CDC42BPA: variants seen among roughly 807,000 people sequenced by gnomAD.
CDC42BPA encodes the protein CDC42 binding protein kinase alpha.
A neutral mutation model predicts 223.5 loss-of-function variants in CDC42BPA; 80 were observed. That is an observed-to-expected ratio of 0.36 (90% CI 0.30 to 0.43). The LOEUF (loss-of-function observed/expected upper bound fraction) is 0.43. Ranked by LOEUF, CDC42BPA falls within the 20% of genes least tolerant of loss-of-function variation. The pLI is 1.00. For missense variants in CDC42BPA, 1,743 were observed against 2,099.9 expected (o/e 0.83, Z 3.32); for synonymous variants, 694 against 718.6 (o/e 0.97, Z 0.55).
chr1:227,072,434 G>T (rs1293113903), intron 19 of CDC42BPA, 135 bp from the exon 20 acceptor site: 1 of 585,086 alleles, frequency 1.7e-6, no homozygotes, highest in Non-Finnish European at 3.0e-6. Flanking sequence ...ACTGCGGGAA[G>T]AACAAATACA....
At chr1:227,259,119 G>T (rs566955431) in intron 1 of CDC42BPA, among the ~76,000 whole-genome samples, 1 of 151,048 alleles carries the variant, frequency 6.6e-6, no homozygotes, top group South Asian at 2.1e-4. Flanking sequence ...ACTTTCTGAG[G>T]TATCTGCCAC....
At chr1:227,297,940 A>C (rs374547040) in intron 1 of CDC42BPA, among the ~76,000 whole-genome samples, 1 of 87,318 alleles carries the variant, frequency 1.1e-5, no homozygotes, top group South Asian at 4.2e-4. Flanking sequence ...ATTTTGTTTT[A>C]TGTGTGTGTG....
chr1:227,245,284 CTTTTTTTT>C (rs759666049), intron 2 of CDC42BPA, among the ~76,000 whole-genome samples: 1 of 81,786 alleles, frequency 1.2e-5, no homozygotes, highest in Non-Finnish European at 2.3e-5. Flanking sequence ...TGTCTTGCAT[CTTTTTTTT>C]TTTTTTTTTT....
intron 2 of CDC42BPA, among the ~76,000 whole-genome samples, chr1:227,242,110 G>C (rs1680127414): frequency 6.6e-6 from 1 of 151,980 alleles, no homozygotes; most frequent in African/African-American, 2.4e-5. Flanking sequence ...AATTTCTATA[G>C]TACTGTAATA....
chr1:227,230,848 G>T (rs1478189696), intron 2 of CDC42BPA, among the ~76,000 whole-genome samples: 1 of 92,832 alleles, frequency 1.1e-5, no homozygotes, highest in Non-Finnish European at 2.2e-5. Context: ...TTGAGACAGA[G>T]TCTTGCTCTG....
At chr1:227,096,238 A>C (rs1246308005) in intron 15 of CDC42BPA, among the ~76,000 whole-genome samples, 1 of 152,234 alleles carries the variant, frequency 6.6e-6, no homozygotes, top group Non-Finnish European at 1.5e-5. Context: ...CCTAACACAG[A>C]AGCAACTTCA....
At chr1:227,187,686 C>A (rs1352916384) in intron 5 of CDC42BPA, among the ~76,000 whole-genome samples, 10 of 81,948 alleles carry the variant, frequency 1.2e-4, no homozygotes, top group African/African-American at 1.9e-4. Flanking sequence ...CCCACCCCCC[C>A]CCCAAAAAAA....
At position 227,195,076 on chromosome 1, in the gene CDC42BPA, T is replaced by C. The variant is rs753524337; in HGVS notation, c.451-1142A>G. On this transcript the variant is annotated intron_variant, in intron 4 of 36. Coordinates refer to ENST00000366766, the MANE Select transcript of CDC42BPA (RefSeq NM_001394014.1). The stretch of plus-strand genomic sequence containing the variant: ...GTTAAAATTACAAACATAGGAAATG[T>C]GTGTTAAACCAAAGAAACTAATTTC... 1.9e-4 allele frequency among the ~76,000 whole-genome samples: 29 copies of C among 152,220 alleles called. 1 individual carries two copies. The highest frequency in any genetic ancestry group is 1.3e-4 in the Non-Finnish European group (9 of 68,020).
intron 23 of CDC42BPA, among the ~76,000 whole-genome samples, chr1:227,040,689 C>A (rs1235588461): frequency 6.6e-6 from 1 of 152,078 alleles, no homozygotes; most frequent in African/African-American, 2.4e-5. Flanking sequence ...TCATGCATTT[C>A]TCTTTCTGGG....
At chr1:227,074,186 GATTT>G in intron 18 of CDC42BPA, 69 bp downstream of exon 18, 2 of 1,353,200 alleles carry the variant, frequency 1.5e-6, no homozygotes, top group African/African-American at 1.5e-5. Flanking sequence ...TAAGTAATTG[GATTT>G]ATTATAGTGT....
rs918975580 is a variant in CDC42BPA, at chr1:227,188,972, G to C, written c.599+4814C>G. On this transcript the variant is annotated intron_variant, in intron 5 of 36. Coordinates refer to ENST00000366766, the MANE Select transcript of CDC42BPA (RefSeq NM_001394014.1). The stretch of plus-strand genomic sequence containing the variant: ...GTGGTGGGCGGGAGTAGATATAAGG[G>C]GAACTCTATACTTTCCACTCAATTT... Among the ~76,000 whole-genome samples the C allele has an allele frequency of 2.6e-5, 4 of 151,874 alleles. No individual in the cohort carries two copies. In the South Asian group the frequency reaches 8.3e-4, roughly 32 times the overall value.
At chr1:227,011,056 A>G in intron 34 of CDC42BPA, 1 of 1,332,586 alleles carries the variant, frequency 7.5e-7, no homozygotes, top group Non-Finnish European at 9.9e-7. Context: ...TGGATAAGGG[A>G]AACCTGGCTA....
intron 5 of CDC42BPA, among the ~76,000 whole-genome samples, chr1:227,170,720 A>C (rs1481371615): frequency 6.6e-6 from 1 of 152,220 alleles, no homozygotes; most frequent in Non-Finnish European, 1.5e-5. Context: ...CTAAACTAGC[A>C]ACAATTCAGG....
chr1:227,004,790 C>T (rs1663648447), intron 35 of CDC42BPA: 2 of 674,110 alleles, frequency 3.0e-6, no homozygotes, highest in Admixed American at 4.3e-5. Flanking sequence ...ATGGCCTGTA[C>T]ACTCTAGAAG....
chr1:227,317,839 C>T lies in CDC42BPA; in HGVS notation c.-657G>A. ...CAAGTCTTGCCCGGAGGCGGCTTTT[C>T]GTTTCTCCTCCCGAGGTCCTTCTTT... On this transcript the variant is annotated 5_prime_UTR_variant, in exon 1 of 37. Transcript: ENST00000366766. The T allele has an allele frequency of 2.5e-6, 1 of 398,666 alleles. No homozygotes were observed. The highest frequency in any genetic ancestry group is 4.4e-6 in the Non-Finnish European group (1 of 226,080). The allele number at this position is 398,666 out of a possible 1,614,324, so 24.7% of individuals were successfully genotyped here.
intron 1 of CDC42BPA, among the ~76,000 whole-genome samples, chr1:227,281,244 G>T (rs10916113): frequency 0.12 from 17,923 of 152,168 alleles, 1,276 homozygotes; most frequent in South Asian, 0.21. Context: ...ACGCTTTCTC[G>T]TGATTGGCTG....
chr1:227,107,234 G>A (rs1013017441), intron 14 of CDC42BPA, among the ~76,000 whole-genome samples: 2 of 152,102 alleles, frequency 1.3e-5, no homozygotes, highest in Admixed American at 6.5e-5. Context: ...TTTCAGCAAT[G>A]TTTTGTCATT....
intron 20 of CDC42BPA, among the ~76,000 whole-genome samples, chr1:227,070,970 G>T (rs554863995): frequency 4.6e-5 from 7 of 151,708 alleles, no homozygotes; most frequent in African/African-American, 1.4e-4. Flanking sequence ...CATGTCTTAC[G>T]AATTCTTTTT....
At position 227,074,326 on chromosome 1, in the gene CDC42BPA, G is replaced by T. The variant is rs1311390931; in HGVS notation, c.2519C>A (p.Ala840Asp). 6.2e-7 allele frequency: 1 copy of T among 1,613,560 alleles called. No homozygotes were observed. The highest frequency in any genetic ancestry group is 2.2e-5 in the East Asian group (1 of 44,844). The change falls in exon 18 of 37, where the codon GCC (alanine) becomes GAC (aspartate). Residue 840 changes from alanine to aspartate, a missense_variant. Ala to Asp is a moderately radical substitution (Grantham distance 126, BLOSUM62 -2). Transcript: ENST00000366766. ...DEKDARGYLQ[A>D]LASKMTEELE... ...TTCTTCAGTCATTTTAGAAGCTAAG[G>T]CCTGAAGATACCCTCGTGCATCCTT...
Sources: gnomAD v4.1 joint callset for allele counts (sites outside exome capture counted in the v4.1 genomes callset) on GRCh38, gnomAD v4.1.1 for gene constraint, MANE v1.5 for transcripts, NCBI Gene and HGNC (gene_info 2026-07-23, HGNC 2026-07-21) for gene names.